Variants in LBX1 observed in about 807,000 individuals in gnomAD.
The protein encoded by LBX1 is ladybird homeobox 1.
In LBX1, 6 loss-of-function variants were observed where a neutral mutation model predicts 19.9. The observed-to-expected ratio is 0.30, with a 90% CI of 0.17 to 0.60. The LOEUF (loss-of-function observed/expected upper bound fraction) is 0.60. Ranked by LOEUF, LBX1 falls within the 20% of genes least tolerant of loss-of-function variation. LBX1 has a pLI of 0.87. For synonymous variants in LBX1, 190 were observed against 189.3 expected (o/e 1.00, Z -0.03); for missense variants, 344 against 393.7 (o/e 0.87, Z 1.07).
At position 101,227,088 on chromosome 10, in the gene LBX1, A is replaced by C; in HGVS notation, c.*182T>G. On this transcript the variant is annotated 3_prime_UTR_variant, in exon 2 of 2. Transcript: ENST00000370193. ...CTGGTGGCGGCCGGCCCGGCCGGCCAGCCTGGGTTTATTGCTTCGAGAGGG... is the reference window on the plus strand; with the variant it reads ...CTGGTGGCGGCCGGCCCGGCCGGCCCGCCTGGGTTTATTGCTTCGAGAGGG... The C allele has an allele frequency of 1.8e-6, 1 of 560,480 alleles. No individual in the cohort carries two copies. The highest frequency in any genetic ancestry group is 3.0e-6 in the Non-Finnish European group (1 of 336,820). The allele number at this position is 560,480 out of a possible 1,614,324, so 34.7% of individuals were successfully genotyped here.
At position 101,227,802 on chromosome 10, in the gene LBX1, G is replaced by A. The variant is rs1282481582; in HGVS notation, c.326-12C>T. On this transcript the variant is annotated splice_polypyrimidine_tract_variant and intron_variant, in intron 1 of 1. Transcript: ENST00000370193. ...CATACCGTCGCGGCCTGGGAGGAAAGGACAGTGTAGGCTCGCGTTGGGAGA... is the reference window on the plus strand; with the variant it reads ...CATACCGTCGCGGCCTGGGAGGAAAAGACAGTGTAGGCTCGCGTTGGGAGA... 6.4e-7 allele frequency: 1 copy of A among 1,563,978 alleles called. No individual in the cohort carries two copies. Among genetic ancestry groups the A allele is most frequent in the African/African-American group, 1.4e-5 (1 of 73,948 alleles).
rs564837354 is a variant in LBX1 at position 101,229,420 on chromosome 10, T to TCCCTCTCC, written c.-613_-606dup. 366 of 223,826 alleles carry TCCCTCTCC rather than the reference T, an allele frequency of 1.6e-3. 5 individuals are homozygous for TCCCTCTCC. In the Admixed American group the frequency reaches 0.02, roughly 12 times the overall value. 13.9% of individuals were successfully genotyped at this position (223,826 alleles called of 1,614,324 possible). ...TGCTCCCCCCTTCTCTCTCCTTCTC[T>TCCCTCTCC]CCCTCTCCCTCGCCCTCTCTTTCAC... On this transcript the variant is annotated 5_prime_UTR_variant, in exon 1 of 2. Transcript: ENST00000370193. The surrounding 1 kb of genome is among the most constrained non-coding windows in gnomAD (Gnocchi z 6.4).
At chr10:101,227,939 G>T in intron 1 of LBX1, 149 bp from the exon 2 acceptor site, 1 of 759,938 alleles carries the variant, frequency 1.3e-6, no homozygotes, top group Non-Finnish European at 2.0e-6. Flanking sequence ...TCCAGGACCA[G>T]GGCAAGTCTT....
intron 1 of LBX1, 87 bp from the exon 2 acceptor site, chr10:101,227,877 G>A (rs1423046099): frequency 7.2e-5 from 90 of 1,242,514 alleles, no homozygotes; most frequent in Non-Finnish European, 9.7e-5. Flanking sequence ...ACCCACCCAG[G>A]CCTGTCCGGC....
chr10:101,228,697 T>A lies in LBX1; in HGVS notation c.119A>T (p.Asp40Val). 1 of 1,609,142 alleles carries A rather than the reference T, an allele frequency of 6.2e-7. No homozygotes were observed. Among genetic ancestry groups the A allele is most frequent in the East Asian group, 2.3e-5 (1 of 44,362 alleles). ...CCGCACAGACGGCTTGTTGAGGATG[T>A]CCTCGATGCTGAACGGCGTCAGTGG... ...NKPLTPFSIE[D>V]ILNKPSVRRS... The change falls in exon 1 of 2, where the codon GAC (aspartate) becomes GTC (valine). Residue 40 changes from aspartate (D) to valine (V), a missense_variant. Asp to Val is a radical substitution (Grantham distance 152). This residue lies in a region of LBX1 where 153 missense variants were observed against 168.9 expected (regional missense o/e 0.91). Transcript: ENST00000370193.
At position 101,227,680 on chromosome 10, in the gene LBX1, A is replaced by G. The variant is rs2134367170; in HGVS notation, c.436T>C (p.Tyr146His). The change falls in exon 2 of 2, where the codon TAC (tyrosine) becomes CAC (histidine). Residue 146 changes from tyrosine (Y) to histidine (H), a missense_variant. This residue lies in a region of LBX1 where 45 missense variants were observed against 100.7 expected (regional missense o/e 0.45). Coordinates refer to ENST00000370193, the MANE Select transcript of LBX1 (RefSeq NM_006562.5). ...QIYELEKRFLYQKYLSPADRD... is the reference protein window; with the variant it reads ...QIYELEKRFLHQKYLSPADRD... ...TCGGCGGGGGACAGGTACTTCTGGT[A>G]TAGAAAGCGCTTTTCCAATTCATAG... 6.2e-7 allele frequency: 1 copy of G among 1,614,036 alleles called. No individual in the cohort carries two copies. Among genetic ancestry groups the G allele is most frequent in the Non-Finnish European group, 8.5e-7 (1 of 1,179,988 alleles).
Position 101,227,385 on chromosome 10 carries a change from G to A in LBX1, c.731C>T (p.Ala244Val), listed in dbSNP as rs745389734. 2.5e-6 allele frequency: 4 copies of A among 1,604,734 alleles called. No homozygotes were observed. The South Asian group carries it at 3.3e-5, about 13-fold the overall frequency. Residue 244 changes from alanine to valine, a missense_variant, in exon 2 of 2, where the codon GCC becomes GTC. Coordinates refer to ENST00000370193, the MANE Select transcript of LBX1 (RefSeq NM_006562.5). The stretch of plus-strand genomic sequence containing the variant: ...GAGCTGCAGGGCGCCAGCGCCCGGG[G>A]CCTTCGGGGCGCCTGGGGGGAGGAC... ...SPVLPPGAPK[A>V]PGAGALQLSP...
Position 101,228,912 on chromosome 10 carries a change from G to A in LBX1, c.-97C>T, listed in dbSNP as rs1397808389. 23 of 833,866 alleles carry A rather than the reference G, an allele frequency of 2.8e-5. No individual in the cohort carries two copies. Among genetic ancestry groups the A allele is most frequent in the Admixed American group, 4.7e-5 (1 of 21,326 alleles). 51.7% of individuals were successfully genotyped at this position (833,866 alleles called of 1,614,324 possible). ...CCGGACGGCGCGGGCAGGCAGCGGCGGGTGGAAAGGAGGCCGCACTGGGCA... is the reference window on the plus strand; with the variant it reads ...CCGGACGGCGCGGGCAGGCAGCGGCAGGTGGAAAGGAGGCCGCACTGGGCA... On this transcript the variant is annotated 5_prime_UTR_variant, in exon 1 of 2. Coordinates refer to ENST00000370193, the MANE Select transcript of LBX1 (RefSeq NM_006562.5).
In LBX1 at chr10:101,227,143, G is replaced by C. The variant is rs1008208013; in HGVS notation, c.*127C>G. ...GGCGGCTGCCAGGAGCCGAGTCCGG[G>C]GCCGGGGACAGGGGAGGAGGCGGGA... On this transcript the variant is annotated 3_prime_UTR_variant, in exon 2 of 2. Transcript: ENST00000370193. 42 of 932,828 alleles carry C rather than the reference G, an allele frequency of 4.5e-5. No individual in the cohort carries two copies. Among genetic ancestry groups the C allele is most frequent in the Non-Finnish European group, 6.1e-5 (39 of 639,492 alleles). 57.8% of individuals were successfully genotyped at this position (932,828 alleles called of 1,614,324 possible).
rs1590157120 is a variant in LBX1, at chr10:101,228,693, G to A, written c.123C>T (p.Ile41=). 1.9e-6 allele frequency: 3 copies of A among 1,608,882 alleles called. No individual in the cohort carries two copies. In the Admixed American group the frequency reaches 5.0e-5, roughly 27 times the overall value. The change falls in exon 1 of 2, where the codon ATC becomes ATT. Residue 41 remains isoleucine, a synonymous_variant. Coordinates refer to ENST00000370193, the MANE Select transcript of LBX1 (RefSeq NM_006562.5). Reference sequence around the variant, plus strand: ...TTCTCCGCACAGACGGCTTGTTGAGGATGTCCTCGATGCTGAACGGCGTCA... The same window carrying A: ...TTCTCCGCACAGACGGCTTGTTGAGAATGTCCTCGATGCTGAACGGCGTCA... The part of the protein sequence containing the change: ...KPLTPFSIED[I]LNKPSVRRSY...
Position 101,227,063 on chromosome 10 carries a change from CTGGTGG to C in LBX1, c.*201_*206del, listed in dbSNP as rs1941051231. On this transcript the variant is annotated 3_prime_UTR_variant, in exon 2 of 2. Transcript: ENST00000370193. ...AGGGCTTCCGGGGCGGCGGAGGCCGCTGGTGGCGGCCGGCCCGGCCGGCCAGCCTGG... is the reference window on the plus strand; with the variant it reads ...AGGGCTTCCGGGGCGGCGGAGGCCGCCGGCCGGCCCGGCCGGCCAGCCTGG... 3 of 493,622 alleles carry C rather than the reference CTGGTGG, an allele frequency of 6.1e-6. No individual in the cohort carries two copies. The highest frequency in any genetic ancestry group is 1.1e-5 in the Non-Finnish European group (3 of 284,840). The allele number at this position is 493,622 out of a possible 1,614,324, so 30.6% of individuals were successfully genotyped here.
At position 101,227,842 on chromosome 10, in the gene LBX1, T is replaced by G. The variant is rs761313545; in HGVS notation, c.326-52A>C. On this transcript the variant is annotated intron_variant, in intron 1 of 1. Transcript: ENST00000370193. ...GCGTTGGGAGAGAGGAAGCCCACCC[T>G]GGCTCTCGCCCCCGTAACTCCGTAA... is the stretch of plus-strand genomic sequence containing the variant. 3.6e-5 allele frequency: 54 copies of G among 1,510,508 alleles called. No homozygotes were observed. In the Admixed American group the frequency reaches 5.5e-4, roughly 15 times the overall value. 93.6% of individuals were successfully genotyped at this position (1,510,508 alleles called of 1,614,324 possible).
intron 1 of LBX1, 51 bp downstream of exon 1, chr10:101,228,440 G>C (rs1440468290): frequency 7.0e-6 from 10 of 1,425,112 alleles, no homozygotes; most frequent in Non-Finnish European, 9.5e-6. Flanking sequence ...AAGCGCGCAG[G>C]GCACAGGGCG....
chr10:101,228,630 G>A lies in LBX1; in HGVS notation c.186C>T (p.Ala62=). ...AGCCGCCCTGCGCGTGCTTGTCCGCGGCGGCCAGCAGGTGCGCCGCCCCGC... is the reference window on the plus strand; with the variant it reads ...AGCCGCCCTGCGCGTGCTTGTCCGCAGCGGCCAGCAGGTGCGCCGCCCCGC... ...SLCGAAHLLA[A]ADKHAQGGLP... is the part of the protein sequence containing the mutation. The change falls in exon 1 of 2, where the codon GCC becomes GCT. Residue 62 remains alanine (A), a synonymous_variant. Coordinates refer to ENST00000370193, the MANE Select transcript of LBX1 (RefSeq NM_006562.5). 1 of 1,580,638 alleles carries A rather than the reference G, an allele frequency of 6.3e-7. No homozygotes were observed. Among genetic ancestry groups the A allele is most frequent in the Non-Finnish European group, 8.6e-7 (1 of 1,164,500 alleles).
At position 101,229,411 on chromosome 10, in the gene LBX1, C is replaced by T. The variant is rs1176811913; in HGVS notation, c.-596G>A. ...TCTCTTCTCTGCTCCCCCCTTCTCT[C>T]TCCTTCTCTCCCTCTCCCTCGCCCT... On this transcript the variant is annotated 5_prime_UTR_variant, in exon 1 of 2. Transcript: ENST00000370193. This position sits in a 1 kb window ranked among gnomAD's most constrained non-coding sequence, Gnocchi z 6.4. 1 of 218,288 alleles carries T rather than the reference C, an allele frequency of 4.6e-6. No individual in the cohort carries two copies. Among genetic ancestry groups the T allele is most frequent in the Non-Finnish European group, 9.2e-6 (1 of 108,198 alleles). 13.5% of individuals were successfully genotyped at this position (218,288 alleles called of 1,614,324 possible).
In LBX1 at chr10:101,227,474, G is replaced by T; in HGVS notation, c.642C>A (p.Asn214Lys). ...CGCCACCGCCGGCTGTGGCCTCCGA[G>T]TTCTGCTCGAGTTCGGCCAGCGCCA... ...DIVALAELEQNSEATAGGGGG... is the reference protein window; with the variant it reads ...DIVALAELEQKSEATAGGGGG... Residue 214 changes from asparagine (N) to lysine (K), a missense_variant, in exon 2 of 2, where the codon AAC becomes AAA. Around this residue, in one of 3 missense-constraint regions of LBX1, gnomAD observed 146 missense variants for 124.2 expected, o/e 1.18. Coordinates refer to ENST00000370193, the MANE Select transcript of LBX1 (RefSeq NM_006562.5). The T allele has an allele frequency of 6.2e-7, 1 of 1,606,904 alleles. No individual in the cohort carries two copies. Among genetic ancestry groups the T allele is most frequent in the Non-Finnish European group, 8.5e-7 (1 of 1,175,820 alleles).
rs1370215897 is a variant in LBX1 at position 101,228,836 on chromosome 10, C to G, written c.-21G>C. On this transcript the variant is annotated 5_prime_UTR_variant, in exon 1 of 2. Coordinates refer to ENST00000370193, the MANE Select transcript of LBX1 (RefSeq NM_006562.5). Reference sequence around the variant, plus strand: ...GTCATCTCGGCCTTGTTCGGGGTCCCGGCCGGGGCGGCTCGGGCCGCGGGG... The same window carrying G: ...GTCATCTCGGCCTTGTTCGGGGTCCGGGCCGGGGCGGCTCGGGCCGCGGGG... The G allele has an allele frequency of 3.4e-6, 5 of 1,463,108 alleles. No individual in the cohort carries two copies. The highest frequency in any genetic ancestry group is 1.5e-5 in the South Asian group (1 of 66,960). The allele number at this position is 1,463,108 out of a possible 1,614,324, so 90.6% of individuals were successfully genotyped here.
Position 101,227,322 on chromosome 10 carries a change from C to A in LBX1, c.794G>T (p.Ser265Ile), listed in dbSNP as rs763753178. 1 of 1,609,512 alleles carries A rather than the reference C, an allele frequency of 6.2e-7. No individual in the cohort carries two copies. The highest frequency in any genetic ancestry group is 8.5e-7 in the Non-Finnish European group (1 of 1,178,900). Residue 265 changes from serine to isoleucine, a missense_variant, in exon 2 of 2, where the codon AGC becomes ATC. Ser to Ile is a moderately radical substitution (Grantham distance 142). Coordinates refer to ENST00000370193, the MANE Select transcript of LBX1 (RefSeq NM_006562.5). The part of the protein sequence containing the change: ...ASPLTDQPAS[S>I]QDCSEDEEDE... ...TTCCTCGTCCTCCGAGCAGTCCTGG[C>A]TGCTGGCCGGCTGGTCCGTGAGCGG...
In LBX1 at chr10:101,227,407, G is replaced by A. The variant is rs1356766880; in HGVS notation, c.709C>T (p.Leu237Phe). The A allele has an allele frequency of 1.3e-6, 2 of 1,599,738 alleles. No individual in the cohort carries two copies. Among genetic ancestry groups the A allele is most frequent in the Non-Finnish European group, 1.7e-6 (2 of 1,175,340 alleles). ...GGGGCCTTCGGGGCGCCTGGGGGGA[G>A]GACCGGAGAGCCGGGCCTCGACTTG... is the stretch of plus-strand genomic sequence containing the variant. ...RAKSRPGSPV[L>F]PPGAPKAPGA... is the part of the protein sequence containing the mutation. Residue 237 changes from leucine to phenylalanine, a missense_variant, in exon 2 of 2, where the codon CTC becomes TTC. This residue lies in a region of LBX1 where 146 missense variants were observed against 124.2 expected (regional missense o/e 1.18). Coordinates refer to ENST00000370193, the MANE Select transcript of LBX1 (RefSeq NM_006562.5).
Sources: allele counts gnomAD v4.1 joint callset, GRCh38; gene constraint gnomAD v4.1.1; regional missense constraint gnomAD v4.1.1; non-coding constraint Gnocchi (gnomAD v3.1); transcripts MANE v1.5; gene names NCBI Gene and HGNC (gene_info 2026-07-23, HGNC 2026-07-21).